The following NRXN1 variants were observed in gnomAD, a reference collection of about 807,000 sequenced individuals.
NRXN1 encodes the protein neurexin-1.
NRXN1 carries 39 observed loss-of-function variants against 150.9 expected under a neutral mutation model. That is an observed-to-expected ratio of 0.26 (90% confidence interval 0.20 to 0.34). NRXN1 has a LOEUF of 0.34. NRXN1 is among the 10% of genes least tolerant of loss of function. The pLI, the probability that NRXN1 is intolerant of heterozygous loss-of-function variation, is 1.00. For missense variants in NRXN1, 1,815 were observed against 1,949.9 expected (o/e 0.93, Z 1.30); for synonymous variants, 924 against 757.0 (o/e 1.22, Z -3.62).
At chr2:50,406,395 T>TA (rs2082752031) in intron 17 of NRXN1, among the ~76,000 whole-genome samples, 1 of 152,146 alleles carries the variant, frequency 6.6e-6, no homozygotes, top group Non-Finnish European at 1.5e-5. Context: ...AAATGCTGAA[T>TA]AAAAAAGGAT....
chr2:50,872,251 A>G (rs997572865), intron 5 of NRXN1, among the ~76,000 whole-genome samples: 3 of 151,838 alleles, frequency 2.0e-5, no homozygotes, highest in African/African-American at 7.2e-5. Flanking sequence ...GAGAGATGTG[A>G]GACCAAAAGA....
chr2:50,325,560 A>T (rs1383421808), intron 17 of NRXN1, among the ~76,000 whole-genome samples: 2 of 152,246 alleles, frequency 1.3e-5, no homozygotes, highest in Non-Finnish European at 2.9e-5. Flanking sequence ...TGACACCACC[A>T]ACCAGAGCTG....
At chr2:50,819,559 G>A (rs1482334821) in intron 5 of NRXN1, among the ~76,000 whole-genome samples, 1 of 151,968 alleles carries the variant, frequency 6.6e-6, no homozygotes, top group Non-Finnish European at 1.5e-5. Context: ...TGTTCAATGG[G>A]TAGAGAGTTT....
At chr2:50,928,217 A>G (rs1687209699) in intron 2 of NRXN1, among the ~76,000 whole-genome samples, 1 of 151,692 alleles carries the variant, frequency 6.6e-6, no homozygotes, top group Non-Finnish European at 1.5e-5. Context: ...TAGATTTAGA[A>G]AAAAAAAATC....
chr2:50,269,128 C>T (rs1182981714), intron 17 of NRXN1, among the ~76,000 whole-genome samples: 3 of 152,116 alleles, frequency 2.0e-5, no homozygotes, highest in East Asian at 1.9e-4. Context: ...AAGTGCCTTG[C>T]CTAAGATCAC....
chr2:50,965,210 A>G (rs1258050762), intron 2 of NRXN1, among the ~76,000 whole-genome samples: 1 of 151,416 alleles, frequency 6.6e-6, no homozygotes, highest in Non-Finnish European at 1.5e-5. Flanking sequence ...TACAGATGCA[A>G]TACATAACTA....
chr2:50,222,717 A>G (rs1166952422), intron 18 of NRXN1, among the ~76,000 whole-genome samples: 1 of 151,912 alleles, frequency 6.6e-6, no homozygotes, highest in Non-Finnish European at 1.5e-5. Context: ...AAATGAAAAG[A>G]TGTACAAAAT....
chr2:50,033,480 GA>G (rs1332202243), intron 21 of NRXN1, among the ~76,000 whole-genome samples: 1 of 151,964 alleles, frequency 6.6e-6, no homozygotes, highest in African/African-American at 2.4e-5. Flanking sequence ...ATTAACTCAG[GA>G]CAGATTAACA....
At chr2:50,479,241 T>A (rs535370931) in intron 15 of NRXN1, among the ~76,000 whole-genome samples, 33 of 152,188 alleles carry the variant, frequency 2.2e-4, no homozygotes, top group Non-Finnish European at 3.1e-4. Flanking sequence ...TGGCAGCCTT[T>A]CCCCAACTCT....
intron 21 of NRXN1, among the ~76,000 whole-genome samples, chr2:49,977,335 G>A (rs1023417295): frequency 3.3e-5 from 5 of 152,144 alleles, no homozygotes; most frequent in African/African-American, 1.2e-4. Context: ...GTCAAAACTG[G>A]AGGGTGCTAG....
intron 18 of NRXN1, among the ~76,000 whole-genome samples, chr2:50,213,478 T>C (rs1422651834): frequency 2.0e-5 from 3 of 151,864 alleles, no homozygotes; most frequent in Admixed American, 6.6e-5. Context: ...TCTGCTATAA[T>C]TGATTTTCCT....
intron 17 of NRXN1, among the ~76,000 whole-genome samples, chr2:50,249,292 C>G (rs996623187): frequency 1.1e-4 from 16 of 152,036 alleles, no homozygotes; most frequent in African/African-American, 3.6e-4. Context: ...TGAGAGATCA[C>G]TTTTAGATTT....
At chr2:50,572,091 A>G (rs1670752512) in intron 8 of NRXN1, among the ~76,000 whole-genome samples, 1 of 152,148 alleles carries the variant, frequency 6.6e-6, no homozygotes, top group Non-Finnish European at 1.5e-5. Flanking sequence ...TTGTATTTTC[A>G]GGTGGACCCA....
intron 5 of NRXN1, among the ~76,000 whole-genome samples, chr2:50,837,313 A>C (rs1300104421): frequency 6.6e-6 from 1 of 152,132 alleles, no homozygotes; most frequent in Non-Finnish European, 1.5e-5. Context: ...TCAATCGTTT[A>C]CTAGTTCCAA....
intron 17 of NRXN1, among the ~76,000 whole-genome samples, chr2:50,308,038 A>G (rs1051818287): frequency 6.6e-6 from 1 of 152,202 alleles, no homozygotes; most frequent in African/African-American, 2.4e-5. Flanking sequence ...CAGTCAAGCA[A>G]ATTAACATAA....
At chr2:50,620,249 T>G in intron 7 of NRXN1, 66 bp from the exon 8 acceptor site, 2 of 1,485,378 alleles carry the variant, frequency 1.3e-6, no homozygotes, top group Middle Eastern at 3.6e-4. Flanking sequence ...TCCTGGGATA[T>G]GCCTGTTTTG....
At chr2:50,805,553 C>T (rs913363303) in intron 5 of NRXN1, among the ~76,000 whole-genome samples, 3 of 151,918 alleles carry the variant, frequency 2.0e-5, no homozygotes, top group African/African-American at 7.3e-5. Flanking sequence ...GTCACGAGAA[C>T]TGCTTGAGCC....
At chr2:50,130,372 T>C (rs1705295009) in intron 18 of NRXN1, among the ~76,000 whole-genome samples, 1 of 152,088 alleles carries the variant, frequency 6.6e-6, no homozygotes, top group Non-Finnish European at 1.5e-5. Flanking sequence ...AGGCATCCTC[T>C]TCTCAGAAGG....
At chr2:50,130,359 C>T (rs148310902) in intron 18 of NRXN1, among the ~76,000 whole-genome samples, 1 of 152,180 alleles carries the variant, frequency 6.6e-6, no homozygotes, top group African/African-American at 2.4e-5. Context: ...TAATGTCCTT[C>T]TTAGGCATCC....
Sources: allele counts gnomAD v4.1 joint callset (sites outside exome capture counted in the v4.1 genomes callset), GRCh38; gene constraint gnomAD v4.1.1; transcripts MANE v1.5; gene names NCBI Gene and HGNC (gene_info 2026-07-23, HGNC 2026-07-21).